The following ARHGEF4 variants were observed in gnomAD, a reference collection of about 807,000 sequenced individuals.
ARHGEF4 encodes the protein Rho guanine nucleotide exchange factor 4.
ARHGEF4 carries 119 observed loss-of-function variants against 162.0 expected under a neutral mutation model. The ratio of observed to expected loss-of-function variants is 0.73; its 90% confidence interval spans 0.63 to 0.86. The LOEUF is 0.86. Among genes scored for constraint, ARHGEF4 ranks in the 40% least tolerant of loss-of-function variants. The pLI, the probability that ARHGEF4 is intolerant of heterozygous loss-of-function variation, is 0.00. For missense variants in ARHGEF4, 2,488 were observed against 2,456.0 expected, an observed-to-expected ratio of 1.01 and a Z score of -0.28; for synonymous variants, 1,014 against 979.9, an observed-to-expected ratio of 1.03 and a Z score of -0.65.
chr2:130,976,156 A>T (rs1685690436), intron 4 of ARHGEF4, among the ~76,000 whole-genome samples: 2 of 152,142 alleles, frequency 1.3e-5, no homozygotes, highest in East Asian at 3.9e-4. Flanking sequence ...GTGAAGAAGA[A>T]GCTCAGCCAT....
Position 130,959,925 on chromosome 2 carries a change from T to G in ARHGEF4, c.3985+13290T>G, listed in dbSNP as rs114411599. Among the ~76,000 whole-genome samples the G allele has an allele frequency of 5.3e-3, 814 of 152,348 alleles. 10 individuals are homozygous for G. The highest frequency in any genetic ancestry group is 6.9e-3 in the Non-Finnish European group (467 of 68,032). ...ATCCCATTCTGTTTCTGTTTTTTTGTGTACAGTAGAATTTCATTGACCACC... is the reference window on the plus strand; with the variant it reads ...ATCCCATTCTGTTTCTGTTTTTTTGGGTACAGTAGAATTTCATTGACCACC... On this transcript the variant is annotated intron_variant, in intron 4 of 13. Transcript: ENST00000409359.
chr2:130,957,946 C>G (rs891740092), intron 4 of ARHGEF4, among the ~76,000 whole-genome samples: 1 of 151,244 alleles, frequency 6.6e-6, no homozygotes, highest in Non-Finnish European at 1.5e-5. Context: ...GCAGCCTGAA[C>G]TAAGGCATTT....
chr2:131,026,413 A>C (rs1376667355), intron 4 of ARHGEF4, among the ~76,000 whole-genome samples: 1 of 152,190 alleles, frequency 6.6e-6, no homozygotes, highest in Non-Finnish European at 1.5e-5. Flanking sequence ...TTCAAAAGGC[A>C]CCTTAAAAAT....
intron 9 of ARHGEF4, 132 bp downstream of exon 9, chr2:131,041,594 T>C: frequency 9.0e-7 from 1 of 1,115,586 alleles, no homozygotes; most frequent in Non-Finnish European, 1.3e-6. Flanking sequence ...CCTGTCCTGA[T>C]GAGCTCCTTG....
chr2:131,039,309 A>T, intron 6 of ARHGEF4: 1 of 1,246,870 alleles, frequency 8.0e-7, no homozygotes, highest in Non-Finnish European at 1.0e-6. Flanking sequence ...CCGCAACTCC[A>T]GGCGCTAGAC....
chr2:130,880,193 G>A (rs1012112567), intron 1 of ARHGEF4, among the ~76,000 whole-genome samples: 3 of 152,312 alleles, frequency 2.0e-5, no homozygotes, highest in African/African-American at 7.2e-5. Context: ...GTCCAGGCGG[G>A]CTGATCCCAT....
chr2:130,982,631 T>TA (rs1203015211), intron 4 of ARHGEF4, among the ~76,000 whole-genome samples: 2 of 127,560 alleles, frequency 1.6e-5, no homozygotes, highest in African/African-American at 5.2e-5. Context: ...TTTTCTTTCT[T>TA]ACCATTTTAC....
intron 4 of ARHGEF4, chr2:130,964,289 C>T: frequency 1.0e-6 from 1 of 983,658 alleles, no homozygotes; most frequent in African/African-American, 1.7e-5. Context: ...GCGCCCTCCG[C>T]GCCCGGGTCT....
In ARHGEF4 at chr2:130,914,546, G is replaced by A; in HGVS notation, c.600G>A (p.Val200=). 3 of 1,412,050 alleles carry A rather than the reference G, an allele frequency of 2.1e-6. No individual in the cohort carries two copies. Among genetic ancestry groups the A allele is most frequent in the Non-Finnish European group, 2.8e-6 (3 of 1,089,100 alleles). The allele number at this position is 1,412,050 out of a possible 1,614,324, so 87.5% of individuals were successfully genotyped here. Residue 200 remains valine, a synonymous_variant, in exon 2 of 14, where the codon GTG becomes GTA. Transcript: ENST00000409359. The part of the protein sequence containing the change: ...DSSGPEPVQG[V]AVQDLRGLSS... Reference sequence around the variant, plus strand: ...GTGGTCCTGAGCCAGTACAGGGGGTGGCTGTTCAAGACCTCAGAGGGCTCT... The same window carrying A: ...GTGGTCCTGAGCCAGTACAGGGGGTAGCTGTTCAAGACCTCAGAGGGCTCT...
intron 2 of ARHGEF4, among the ~76,000 whole-genome samples, chr2:130,924,471 T>C (rs188404693): frequency 5.9e-5 from 9 of 152,322 alleles, no homozygotes; most frequent in Non-Finnish European, 1.3e-4. Context: ...TTTCACTCTG[T>C]TGGCCAGGCT....
At position 130,914,557 on chromosome 2, in the gene ARHGEF4, A is replaced by T; in HGVS notation, c.611A>T (p.Asp204Val). Residue 204 changes from aspartate (D) to valine (V), a missense_variant, in exon 2 of 14, where the codon GAC (aspartate) becomes GTC (valine). This residue lies in a region of ARHGEF4 where 81 missense variants were observed against 125.8 expected (regional missense o/e 0.64). Transcript: ENST00000409359. Reference sequence around the variant, plus strand: ...CCAGTACAGGGGGTGGCTGTTCAAGACCTCAGAGGGCTCTCCAGTGTTTCT... The same window carrying T: ...CCAGTACAGGGGGTGGCTGTTCAAGTCCTCAGAGGGCTCTCCAGTGTTTCT... ...PEPVQGVAVQ[D>V]LRGLSSVSLQ... 1 of 1,404,950 alleles carries T rather than the reference A, an allele frequency of 7.1e-7. No individual in the cohort carries two copies. The highest frequency in any genetic ancestry group is 9.2e-7 in the Non-Finnish European group (1 of 1,085,798). The allele number at this position is 1,404,950 out of a possible 1,614,324, so 87.0% of individuals were successfully genotyped here.
chr2:131,007,206 G>A (rs920999796), intron 4 of ARHGEF4, among the ~76,000 whole-genome samples: 2 of 152,140 alleles, frequency 1.3e-5, no homozygotes, highest in African/African-American at 4.8e-5. Context: ...TATGATCCCT[G>A]ACTGTCCCCA....
intron 1 of ARHGEF4, among the ~76,000 whole-genome samples, chr2:130,895,975 G>A (rs1393037534): frequency 3.3e-5 from 5 of 152,038 alleles, no homozygotes; most frequent in African/African-American, 1.2e-4. Flanking sequence ...TTAGCTATAT[G>A]ATATATTTTG....
At chr2:130,904,133 CCA>C (rs1680675902) in intron 1 of ARHGEF4, among the ~76,000 whole-genome samples, 1 of 152,162 alleles carries the variant, frequency 6.6e-6, no homozygotes, top group African/African-American at 2.4e-5. Context: ...TGCATTCCCA[CCA>C]CAGTGTGTAA....
intron 4 of ARHGEF4, among the ~76,000 whole-genome samples, chr2:130,970,200 A>G (rs1156488241): frequency 1.3e-5 from 2 of 152,228 alleles, no homozygotes; most frequent in South Asian, 2.1e-4. Flanking sequence ...GTTTCACTGT[A>G]TAAGAAACTG....
chr2:131,043,937 C>T (rs1420157633), intron 11 of ARHGEF4, among the ~76,000 whole-genome samples: 3 of 152,328 alleles, frequency 2.0e-5, no homozygotes, highest in East Asian at 1.9e-4. Context: ...TCTACGCTGC[C>T]GGCTTCTGCT....
intron 1 of ARHGEF4, among the ~76,000 whole-genome samples, chr2:130,870,064 G>A (rs1309202228): frequency 1.3e-5 from 2 of 152,196 alleles, no homozygotes; most frequent in Non-Finnish European, 2.9e-5. Flanking sequence ...GGGGCAGTGT[G>A]AACGTCTCCC....
intron 4 of ARHGEF4, among the ~76,000 whole-genome samples, chr2:130,959,729 AG>A (rs1454289831): frequency 6.6e-6 from 1 of 152,226 alleles, no homozygotes; most frequent in Non-Finnish European, 1.5e-5. Flanking sequence ...AGGAAGATTA[AG>A]TAATTTGCCC....
At chr2:130,991,841 G>A (rs553967246) in intron 4 of ARHGEF4, among the ~76,000 whole-genome samples, 3 of 152,336 alleles carry the variant, frequency 2.0e-5, no homozygotes, top group East Asian at 1.9e-4. Context: ...CACATGGCGC[G>A]GGACTGGCAG....
Sources: gnomAD v4.1 joint callset for allele counts (sites outside exome capture counted in the v4.1 genomes callset) on GRCh38, gnomAD v4.1.1 for gene constraint, gnomAD v4.1.1 regional missense constraint, MANE v1.5 for transcripts, NCBI Gene and HGNC (gene_info 2026-07-23, HGNC 2026-07-21) for gene names.